CCDC102B: variants seen among roughly 807,000 people sequenced by gnomAD.
CCDC102B encodes coiled-coil domain containing 102B.
In CCDC102B, 75 loss-of-function variants were observed where a neutral mutation model predicts 57.4. The observed-to-expected ratio is 1.31, with a 90% confidence interval of 1.08 to 1.58. The LOEUF (loss-of-function observed/expected upper bound fraction) is 1.58, where lower values mean the gene tolerates loss of function less well. Ranked by LOEUF, CCDC102B falls within the 40% of genes most tolerant of loss-of-function variation. CCDC102B has a pLI of 0.00. For missense variants in CCDC102B, 636 were observed against 582.6 expected (o/e 1.09, Z -0.94); for synonymous variants, 206 against 201.9 (o/e 1.02, Z -0.17).
At chr18:68,942,126 A>G (rs1256319571) in intron 6 of CCDC102B, among the ~76,000 whole-genome samples, 1 of 152,144 alleles carries the variant, frequency 6.6e-6, no homozygotes, top group Non-Finnish European at 1.5e-5. Flanking sequence ...AGAGTCAGAA[A>G]TTAATTTCAA....
intron 6 of CCDC102B, among the ~76,000 whole-genome samples, chr18:68,925,122 T>C (rs2041433563): frequency 6.6e-6 from 1 of 152,086 alleles, no homozygotes. Flanking sequence ...TGGAAAAGCA[T>C]TCTACCAGGT....
rs1416665983 is a variant in CCDC102B at position 68,945,188 on chromosome 18, G to T, written c.1263+47760G>T. Among the ~76,000 whole-genome samples, 4 of 148,566 alleles carry T rather than the reference G, an allele frequency of 2.7e-5. No homozygotes were observed. In the East Asian group the frequency reaches 7.9e-4, roughly 29 times the overall value. ...ACCCCACAGGTACAAGTACTTATTT[G>T]TTTATATAATTTGAATAAATAAATG... On this transcript the variant is annotated intron_variant, in intron 6 of 7. Transcript: ENST00000360242.
At chr18:68,808,748 G>A (rs1464719865) in intron 1 of CCDC102B, among the ~76,000 whole-genome samples, 1 of 152,034 alleles carries the variant, frequency 6.6e-6, no homozygotes, top group African/African-American at 2.4e-5. Flanking sequence ...AAAGTGCCGG[G>A]ATTACAGGCG....
chr18:68,975,880 C>T (rs2050423130), intron 6 of CCDC102B, among the ~76,000 whole-genome samples: 1 of 149,510 alleles, frequency 6.7e-6, no homozygotes, highest in African/African-American at 2.5e-5. Flanking sequence ...TACCTGACAC[C>T]AATGTAGATC....
intron 2 of CCDC102B, among the ~76,000 whole-genome samples, chr18:68,762,247 T>C (rs1399718340): frequency 9.9e-5 from 15 of 152,156 alleles, no homozygotes; most frequent in Admixed American, 9.8e-4. Context: ...AAGGCTAACA[T>C]ATCTCTTATA....
chr18:68,814,581 T>C (rs1365364266), intron 1 of CCDC102B, among the ~76,000 whole-genome samples: 1 of 152,126 alleles, frequency 6.6e-6, no homozygotes, highest in Non-Finnish European at 1.5e-5. Flanking sequence ...AAGATTAAAA[T>C]ATAGCAATTT....
At position 68,919,044 on chromosome 18, in the gene CCDC102B, C is replaced by T. The variant is rs561245750; in HGVS notation, c.1263+21616C>T. Among the ~76,000 whole-genome samples, 8 of 151,998 alleles carry T rather than the reference C, an allele frequency of 5.3e-5. No homozygotes were observed. In the South Asian group the frequency reaches 1.7e-3, roughly 32 times the overall value. ...AGACTACAAGTGGAATATGTGGAGG[C>T]TTTTTCTGTATCTGTGTTGAAGAAA... is the stretch of plus-strand genomic sequence containing the variant. On this transcript the variant is annotated intron_variant, in intron 6 of 7. Transcript: ENST00000360242.
intron 6 of CCDC102B, among the ~76,000 whole-genome samples, chr18:68,961,792 A>G (rs183053835): frequency 2.0e-5 from 3 of 152,226 alleles, no homozygotes; most frequent in Admixed American, 1.3e-4. Context: ...CAGAAGTGTT[A>G]TAGAAATATA....
At chr18:68,732,488 G>T (rs1162017121) in intron 2 of CCDC102B, among the ~76,000 whole-genome samples, 1 of 151,898 alleles carries the variant, frequency 6.6e-6, no homozygotes, top group African/African-American at 2.4e-5. Flanking sequence ...GGGATTACAG[G>T]CACCCACCAT....
intron 4 of CCDC102B, among the ~76,000 whole-genome samples, chr18:68,872,002 T>G (rs1478917196): frequency 1.3e-5 from 2 of 152,134 alleles, no homozygotes; most frequent in African/African-American, 4.8e-5. Context: ...GTAACTGGAT[T>G]TACTATGTAT....
intron 5 of CCDC102B, among the ~76,000 whole-genome samples, chr18:68,885,343 A>G (rs1408629024): frequency 6.6e-6 from 1 of 152,122 alleles, no homozygotes; most frequent in African/African-American, 2.4e-5. Flanking sequence ...CGAGAGAATT[A>G]GAAAAACAAA....
At chr18:68,930,828 C>T (rs970791942) in intron 6 of CCDC102B, among the ~76,000 whole-genome samples, 1 of 151,754 alleles carries the variant, frequency 6.6e-6, no homozygotes, top group Non-Finnish European at 1.5e-5. Flanking sequence ...GTAGAAAAGA[C>T]TTGTTGAAAA....
chr18:68,929,477 T>A (rs369044059), intron 6 of CCDC102B, among the ~76,000 whole-genome samples: 34 of 152,090 alleles, frequency 2.2e-4, no homozygotes, highest in African/African-American at 7.5e-4. Context: ...CAGCCCCTGC[T>A]GCTGGGTTCT....
chr18:68,761,792 T>C (rs985044032), intron 2 of CCDC102B, among the ~76,000 whole-genome samples: 1 of 152,112 alleles, frequency 6.6e-6, no homozygotes, highest in African/African-American at 2.4e-5. Flanking sequence ...ATTTGAGAAG[T>C]TTAGTTCATT....
At chr18:69,036,663 A>G (rs935157077) in intron 7 of CCDC102B, among the ~76,000 whole-genome samples, 1 of 152,074 alleles carries the variant, frequency 6.6e-6, no homozygotes, top group Non-Finnish European at 1.5e-5. Flanking sequence ...ACATGCATGA[A>G]TAAAATGAAT....
intron 6 of CCDC102B, among the ~76,000 whole-genome samples, chr18:68,989,970 T>C (rs897744804): frequency 1.3e-5 from 2 of 152,150 alleles, no homozygotes; most frequent in African/African-American, 4.8e-5. Flanking sequence ...GGTTATTTTG[T>C]TGTTGTAGTT....
At chr18:68,843,684 G>A (rs942718729) in intron 3 of CCDC102B, among the ~76,000 whole-genome samples, 1 of 151,540 alleles carries the variant, frequency 6.6e-6, no homozygotes, top group Non-Finnish European at 1.5e-5. Flanking sequence ...TTTTAATTTC[G>A]TTCTCATGAA....
intron 6 of CCDC102B, among the ~76,000 whole-genome samples, chr18:69,009,955 G>A (rs563112052): frequency 2.2e-4 from 2 of 8,942 alleles, no homozygotes; most frequent in African/African-American, 2.9e-4. Flanking sequence ...TTTTTGAGAC[G>A]GAGCCTTGCT....
intron 6 of CCDC102B, among the ~76,000 whole-genome samples, chr18:68,911,751 C>CAAAAAAAAAAAAAAAAAAAAAAAAAAAAA (rs74175338): frequency 5.5e-5 from 1 of 18,030 alleles, no homozygotes; most frequent in Non-Finnish European, 1.2e-4. Flanking sequence ...GACTCCGTCT[C>CAAAAAAAAAAAAAAAAAAAAAAAAAAAAA]AAAAAAAAAA....
Sources: gnomAD v4.1 joint callset for allele counts (sites outside exome capture counted in the v4.1 genomes callset) on GRCh38, gnomAD v4.1.1 for gene constraint, MANE v1.5 for transcripts, NCBI Gene and HGNC (gene_info 2026-07-23, HGNC 2026-07-21) for gene names.